The following ARHGEF7 variants were observed in gnomAD, a reference collection of about 807,000 sequenced individuals.
ARHGEF7 encodes PAK-interacting exchange factor beta.
In ARHGEF7, 33 loss-of-function variants were observed where a neutral mutation model predicts 109.8. The observed-to-expected ratio is 0.30, with a 90% CI of 0.23 to 0.40. The LOEUF is 0.40. ARHGEF7 is among the 10% of genes least tolerant of loss of function. ARHGEF7 has a pLI of 1.00. For missense variants in ARHGEF7, 938 were observed against 1,098.5 expected (o/e 0.85, Z 2.07); for synonymous variants, 458 against 424.6 (o/e 1.08, Z -0.97).
intron 2 of ARHGEF7, among the ~76,000 whole-genome samples, chr13:111,204,326 A>T (rs1018667136): frequency 5.9e-5 from 9 of 152,332 alleles, no homozygotes; most frequent in African/African-American, 2.2e-4. Context: ...ACATATGGCA[A>T]CAGGATACAC....
At chr13:111,288,035 T>G (rs2093101523) in intron 17 of ARHGEF7, among the ~76,000 whole-genome samples, 1 of 152,258 alleles carries the variant, frequency 6.6e-6, no homozygotes. Flanking sequence ...TGTGACTTCC[T>G]TATTCCTATC....
intron 2 of ARHGEF7, among the ~76,000 whole-genome samples, chr13:111,200,494 T>G (rs2081094759): frequency 6.6e-6 from 1 of 151,528 alleles, no homozygotes; most frequent in Non-Finnish European, 1.5e-5. Flanking sequence ...GAGGAATCCT[T>G]GAGTTTTACA....
At chr13:111,229,795 A>G (rs1594967779) in intron 5 of ARHGEF7, among the ~76,000 whole-genome samples, 1 of 152,290 alleles carries the variant, frequency 6.6e-6, no homozygotes, top group Non-Finnish European at 1.5e-5. Flanking sequence ...GTAGTCCTGC[A>G]AGAGGAGAGC....
In ARHGEF7 at chr13:111,303,068, C is replaced by G. The variant is rs1409742721; in HGVS notation, c.2544C>G (p.Val848=). ...ACCTGGAGAAGCTGGTGAGGAAAGTCCTGAAGAACATGAATGATCCTGCCT... is the reference window on the plus strand; with the variant it reads ...ACCTGGAGAAGCTGGTGAGGAAAGTGCTGAAGAACATGAATGATCCTGCCT... ...RKDLEKLVRK[V]LKNMNDPAWD... is the part of the protein sequence containing the mutation. Residue 848 remains valine (V), a synonymous_variant, in exon 22 of 22, where the codon GTC becomes GTG. Transcript: ENST00000646102. 1 of 1,614,012 alleles carries G rather than the reference C, an allele frequency of 6.2e-7. No homozygotes were observed. The highest frequency in any genetic ancestry group is 1.7e-5 in the Admixed American group (1 of 60,004).
At chr13:111,251,525 G>A (rs2089772357) in intron 8 of ARHGEF7, among the ~76,000 whole-genome samples, 1 of 152,176 alleles carries the variant, frequency 6.6e-6, no homozygotes, top group Non-Finnish European at 1.5e-5. Flanking sequence ...AGGGCAGGAG[G>A]ACACAGAGAC....
chr13:111,295,395 A>G (rs867593287), intron 19 of ARHGEF7, among the ~76,000 whole-genome samples: 1 of 152,186 alleles, frequency 6.6e-6, no homozygotes, highest in East Asian at 1.9e-4. Context: ...CTCCTTGTAC[A>G]TTTCTTATTT....
chr13:111,277,189 C>T (rs899770467), intron 12 of ARHGEF7, among the ~76,000 whole-genome samples: 1 of 152,136 alleles, frequency 6.6e-6, no homozygotes, highest in African/African-American at 2.4e-5. Flanking sequence ...TTTCTCTGAA[C>T]CAGAAAAAGA....
In ARHGEF7 at chr13:111,299,368, A is replaced by T. The variant is rs189231017; in HGVS notation, c.2312-1380A>T. On this transcript the variant is annotated intron_variant, in intron 19 of 21. Coordinates refer to ENST00000646102, the MANE Select transcript of ARHGEF7 (RefSeq NM_001354046.2). ...TTTTTTTTTTTTTTTTTTGAGACGG[A>T]GTCTCGCTCTGTCGCCCAGGCTGGA... 1.3e-3 allele frequency among the ~76,000 whole-genome samples: 129 copies of T among 101,904 alleles called. 1 individual carries two copies. In the East Asian group the frequency reaches 0.03, roughly 24 times the overall value. The allele number at this position is 101,904 out of a possible 152,430, so 66.9% of individuals were successfully genotyped here. A position where few individuals can be genotyped will look rare whatever the true frequency, so the allele number is the denominator to read the frequency against.
intron 13 of ARHGEF7, among the ~76,000 whole-genome samples, chr13:111,279,324 G>A (rs2092660311): frequency 6.6e-6 from 1 of 152,068 alleles, no homozygotes; most frequent in African/African-American, 2.4e-5. Context: ...CATGGCCAGG[G>A]GCTGGGGGTC....
At chr13:111,129,999 A>G (rs892209825) in intron 1 of ARHGEF7, among the ~76,000 whole-genome samples, 3 of 152,222 alleles carry the variant, frequency 2.0e-5, no homozygotes, top group African/African-American at 7.2e-5. Context: ...TGGTGAATAG[A>G]TAAACAGATT....
rs141817252 is a variant in ARHGEF7 at position 111,228,326 on chromosome 13, A to G, written c.671-4879A>G. 9.1e-4 allele frequency among the ~76,000 whole-genome samples: 138 copies of G among 152,326 alleles called. 2 individuals carry two copies. In the East Asian group the frequency reaches 0.022, roughly 24 times the overall value. On this transcript the variant is annotated intron_variant, in intron 5 of 21. Coordinates refer to ENST00000646102, the MANE Select transcript of ARHGEF7 (RefSeq NM_001354046.2). The surrounding 1 kb of genome is among the most constrained non-coding windows in gnomAD (Gnocchi z 4.6). ...TAGATACTATTTAAAAATTATTAAT[A>G]TCGTCAGGTGTGATAATGGTCTGAG... is the stretch of plus-strand genomic sequence containing the variant.
intron 1 of ARHGEF7, among the ~76,000 whole-genome samples, chr13:111,151,862 T>C (rs991414167): frequency 2.6e-5 from 4 of 151,954 alleles, no homozygotes; most frequent in African/African-American, 9.7e-5. Flanking sequence ...AGAGGACATA[T>C]GTTTACAGAA....
At position 111,291,840 on chromosome 13, in the gene ARHGEF7, CTT is replaced by C. The variant is rs550898080; in HGVS notation, c.2135-272_2135-271del. Among the ~76,000 whole-genome samples the C allele has an allele frequency of 6.6e-5, 10 of 152,044 alleles. No individual in the cohort carries two copies. In the South Asian group the frequency reaches 1.7e-3, roughly 25 times the overall value. Reference sequence around the variant, plus strand: ...TTAAATGAGGGCTTTAGAGCAATATCTTTTTTTAAAAAAGCAGTTTGAAACAT... The same window carrying C: ...TTAAATGAGGGCTTTAGAGCAATATCTTTTTAAAAAAGCAGTTTGAAACAT... On this transcript the variant is annotated intron_variant, in intron 18 of 21. Transcript: ENST00000646102.
intron 2 of ARHGEF7, among the ~76,000 whole-genome samples, chr13:111,176,276 A>G (rs767550562): frequency 4.6e-5 from 7 of 152,206 alleles, no homozygotes; most frequent in African/African-American, 7.2e-5. Context: ...AAATGCGACC[A>G]TTGCTGCTAT....
At chr13:111,287,743 C>T (rs1035211177) in intron 17 of ARHGEF7, among the ~76,000 whole-genome samples, 19 of 152,182 alleles carry the variant, frequency 1.2e-4, no homozygotes, top group Admixed American at 8.5e-4. Flanking sequence ...AGGGACAGTG[C>T]GCTGTGTGGG....
chr13:111,186,846 A>G (rs964618630), intron 2 of ARHGEF7: 2 of 985,444 alleles, frequency 2.0e-6, no homozygotes, highest in Non-Finnish European at 2.4e-6. Flanking sequence ...CCTCTCCGTC[A>G]GTATTGAGAT....
intron 9 of ARHGEF7, among the ~76,000 whole-genome samples, chr13:111,269,860 A>T (rs188330809): frequency 3.7e-4 from 56 of 152,102 alleles, no homozygotes; most frequent in Non-Finnish European, 6.5e-4. Flanking sequence ...GCTCCTTCCT[A>T]CCTCCTGCCT....
chr13:111,267,601 A>G lies in ARHGEF7; in HGVS notation c.1004A>G (p.Gln335Arg). 2.5e-6 allele frequency: 4 copies of G among 1,614,160 alleles called. No individual in the cohort carries two copies. The highest frequency in any genetic ancestry group is 3.4e-6 in the Non-Finnish European group (4 of 1,179,992). Residue 335 changes from glutamine (Q) to arginine (R), a missense_variant, in exon 9 of 22, where the codon CAG becomes CGG. Coordinates refer to ENST00000646102, the MANE Select transcript of ARHGEF7 (RefSeq NM_001354046.2). ...GGCTGCTTTTTAAACCTGATGCCAC[A>G]GATGAAAACCCTGTACCTCACGTAT... ...VGGCFLNLMP[Q>R]MKTLYLTYCA...
chr13:111,284,312 GT>G (rs2092924294), intron 16 of ARHGEF7, among the ~76,000 whole-genome samples: 2 of 152,150 alleles, frequency 1.3e-5, no homozygotes, highest in Admixed American at 1.3e-4. Context: ...AGCCCTGGGG[GT>G]TTTAAGGCCC....
Sources: gnomAD v4.1 joint callset for allele counts (sites outside exome capture counted in the v4.1 genomes callset) on GRCh38, gnomAD v4.1.1 for gene constraint, Gnocchi (gnomAD v3.1) non-coding constraint, MANE v1.5 for transcripts, NCBI Gene and HGNC (gene_info 2026-07-23, HGNC 2026-07-21) for gene names.